Variants in THSD4 observed in about 807,000 individuals in gnomAD.
The protein encoded by THSD4 is thrombospondin type 1 domain containing 4, also known as thrombospondin type-1 domain-containing protein 4.
In THSD4, 69 loss-of-function variants were observed where a neutral mutation model predicts 119.0. The observed-to-expected ratio is 0.58, with a 90% confidence interval of 0.48 to 0.71. The LOEUF is 0.71. Ranked by LOEUF, THSD4 falls within the 30% of genes least tolerant of loss-of-function variation. The probability of loss-of-function intolerance (pLI) is 0.00; values close to 1 mark genes in which losing one functional copy is unlikely to be tolerated. For synonymous variants in THSD4, 524 were observed against 540.4 expected, an observed-to-expected ratio of 0.97 and a Z score of 0.42; for missense variants, 1,393 against 1,391.1, an observed-to-expected ratio of 1.00 and a Z score of -0.02.
chr15:71,762,091 G>A (rs900909545), intron 15 of THSD4, among the ~76,000 whole-genome samples: 2 of 151,934 alleles, frequency 1.3e-5, no homozygotes, highest in African/African-American at 4.8e-5. Flanking sequence ...CATAATTTCT[G>A]GTCCATCAAG....
rs189738200 is a variant in THSD4 at position 71,660,569 on chromosome 15, G to A, written c.1192G>A (p.Val398Met). The A allele has an allele frequency of 1.4e-5, 23 of 1,614,136 alleles. No homozygotes were observed. The highest frequency in any genetic ancestry group is 8.9e-5 in the East Asian group (4 of 44,880). The change falls in exon 8 of 18, where the codon GTG becomes ATG. Residue 398 changes from valine to methionine, a missense_variant. By Grantham distance (21) the Val-to-Met change is conservative. Transcript: ENST00000261862. ...CDDYLGSDKVVDKCGVCGGDN... is the reference protein window; with the variant it reads ...CDDYLGSDKVMDKCGVCGGDN... The stretch of plus-strand genomic sequence containing the variant: ...TGACTACTTAGGCTCCGACAAAGTC[G>A]TGGACAAATGTGGGGTGTGTGGAGG...
intron 3 of THSD4, among the ~76,000 whole-genome samples, chr15:71,161,674 A>G (rs1249176948): frequency 6.6e-6 from 1 of 150,638 alleles, no homozygotes; most frequent in Non-Finnish European, 1.5e-5. Flanking sequence ...ATATAGTTGG[A>G]TCTTGTTTTT....
At chr15:71,694,676 T>A (rs945524163) in intron 8 of THSD4, among the ~76,000 whole-genome samples, 3 of 152,262 alleles carry the variant, frequency 2.0e-5, no homozygotes, top group African/African-American at 7.2e-5. Context: ...TATTATGATG[T>A]CCCAAGAAAA....
intron 6 of THSD4, among the ~76,000 whole-genome samples, chr15:71,321,147 G>A (rs1023227779): frequency 6.6e-6 from 1 of 152,226 alleles, no homozygotes; most frequent in Non-Finnish European, 1.5e-5. Context: ...TAGCAGAGAT[G>A]AAATGACTGC....
At chr15:71,633,650 T>G (rs1240778534) in intron 7 of THSD4, among the ~76,000 whole-genome samples, 1 of 152,230 alleles carries the variant, frequency 6.6e-6, no homozygotes, top group African/African-American at 2.4e-5. Flanking sequence ...TTGTATAAAT[T>G]ATTAATATTT....
At chr15:71,468,493 A>G (rs903301724) in intron 7 of THSD4, among the ~76,000 whole-genome samples, 1 of 152,364 alleles carries the variant, frequency 6.6e-6, no homozygotes, top group East Asian at 1.9e-4. Flanking sequence ...TTAACAAGCA[A>G]TTGGCAATAG....
chr15:71,131,369 C>G (rs1364402198), intron 1 of THSD4, among the ~76,000 whole-genome samples: 2 of 151,216 alleles, frequency 1.3e-5, no homozygotes, highest in Non-Finnish European at 2.9e-5. Context: ...AAAATAAGGG[C>G]TAACAATGTT....
chr15:71,372,922 C>T (rs2046076517), intron 6 of THSD4, among the ~76,000 whole-genome samples: 1 of 152,254 alleles, frequency 6.6e-6, no homozygotes, highest in South Asian at 2.1e-4. Flanking sequence ...CGGTGGGCTC[C>T]ACCCAGTTCC....
chr15:71,712,080 A>G (rs529251562), intron 8 of THSD4, among the ~76,000 whole-genome samples: 1 of 152,346 alleles, frequency 6.6e-6, no homozygotes, highest in African/African-American at 2.4e-5. Flanking sequence ...GTGTACATGG[A>G]ACAGTCACTA....
At chr15:71,373,740 C>T (rs2046092180) in intron 6 of THSD4, among the ~76,000 whole-genome samples, 1 of 152,176 alleles carries the variant, frequency 6.6e-6, no homozygotes, top group African/African-American at 2.4e-5. Flanking sequence ...AAAGTCCATT[C>T]TGCTTCCAAA....
chr15:71,609,518 G>C (rs1213132004), intron 7 of THSD4, among the ~76,000 whole-genome samples: 1 of 152,104 alleles, frequency 6.6e-6, no homozygotes, highest in Non-Finnish European at 1.5e-5. Context: ...GAAGAAGCCA[G>C]TAATCTCACT....
intron 8 of THSD4, among the ~76,000 whole-genome samples, chr15:71,673,520 G>A (rs2051576220): frequency 1.3e-5 from 2 of 151,968 alleles, no homozygotes; most frequent in Admixed American, 6.6e-5. Context: ...GTTATTTCTT[G>A]CCTTCTGTTA....
Position 71,561,895 on chromosome 15 carries a change from CACACACACACACACACACACACACAA to C in THSD4, c.1153-98630_1153-98605del, listed in dbSNP as rs1409247681. Reference sequence around the variant, plus strand: ...ACACACACACACACACACACACACACACACACACACACACACACACACACAAACACTCACTCACTCTCTCTCTTCTC... The same window carrying C: ...ACACACACACACACACACACACACACACACTCACTCACTCTCTCTCTTCTC... On this transcript the variant is annotated intron_variant, in intron 7 of 17. Coordinates refer to ENST00000261862, the MANE Select transcript of THSD4 (RefSeq NM_024817.3). Among the ~76,000 whole-genome samples the C allele has an allele frequency of 1.0e-3, 144 of 139,892 alleles. 6 individuals are homozygous for C. The highest frequency in any genetic ancestry group is 3.5e-3 in the Middle Eastern group (1 of 288). The allele number at this position is 139,892 out of a possible 152,430, so 91.8% of individuals were successfully genotyped here. A position where few individuals can be genotyped will look rare whatever the true frequency, so the allele number is the denominator to read the frequency against.
intron 7 of THSD4, among the ~76,000 whole-genome samples, chr15:71,442,959 A>G (rs544594452): frequency 9.9e-5 from 15 of 151,590 alleles, no homozygotes; most frequent in Non-Finnish European, 2.2e-4. Context: ...CTGTTTATGC[A>G]TCGAACCCTC....
At chr15:71,657,944 G>A (rs1157477994) in intron 7 of THSD4, among the ~76,000 whole-genome samples, 1 of 152,166 alleles carries the variant, frequency 6.6e-6, no homozygotes, top group Non-Finnish European at 1.5e-5. Context: ...TAATTTCCTT[G>A]TGATAGTTCC....
chr15:71,755,082 C>T (rs2053515229), intron 14 of THSD4, among the ~76,000 whole-genome samples: 1 of 152,214 alleles, frequency 6.6e-6, no homozygotes, highest in Non-Finnish European at 1.5e-5. Context: ...GCACCCTTCT[C>T]ATGGGAAATT....
chr15:71,465,251 A>G (rs1226527547), intron 7 of THSD4, among the ~76,000 whole-genome samples: 2 of 152,220 alleles, frequency 1.3e-5, no homozygotes, highest in Non-Finnish European at 2.9e-5. Context: ...CAGGATGTTC[A>G]GTGTGATTGA....
At chr15:71,476,428 G>T (rs879839985) in intron 7 of THSD4, among the ~76,000 whole-genome samples, 7 of 152,250 alleles carry the variant, frequency 4.6e-5, no homozygotes, top group South Asian at 2.1e-4. Context: ...TTTTAGTAGA[G>T]ACAGGGTTTC....
chr15:71,321,224 T>G (rs915053681), intron 6 of THSD4, among the ~76,000 whole-genome samples: 2 of 152,178 alleles, frequency 1.3e-5, no homozygotes, highest in Non-Finnish European at 1.5e-5. Flanking sequence ...TGCAGCTTCA[T>G]GTACTCCCTC....
Sources: allele counts gnomAD v4.1 joint callset (sites outside exome capture counted in the v4.1 genomes callset), GRCh38; gene constraint gnomAD v4.1.1; transcripts MANE v1.5; gene names NCBI Gene and HGNC (gene_info 2026-07-23, HGNC 2026-07-21).